LRRC63: variants seen among roughly 807,000 people sequenced by gnomAD.
The protein encoded by LRRC63 is leucine-rich repeat-containing protein 63.
LRRC63 carries 40 observed loss-of-function variants against 49.5 expected under a neutral mutation model. The observed-to-expected ratio is 0.81, with a 90% CI of 0.63 to 1.05. The LOEUF is 1.05. Ranked by LOEUF, LRRC63 falls within the 50% of genes least tolerant of loss-of-function variation. The pLI is 0.00. For missense variants in LRRC63, 636 were observed against 663.1 expected, an observed-to-expected ratio of 0.96 and a Z score of 0.45; for synonymous variants, 191 against 221.1, an observed-to-expected ratio of 0.86 and a Z score of 1.21.
At chr13:46,235,715 G>A (rs1457983808) in intron 5 of LRRC63, among the ~76,000 whole-genome samples, 2 of 152,192 alleles carry the variant, frequency 1.3e-5, no homozygotes, top group East Asian at 3.9e-4. Flanking sequence ...CTTGAGGGAG[G>A]CATATTTTAT....
chr13:46,262,801 A>G (rs2047633537), intron 8 of LRRC63, among the ~76,000 whole-genome samples: 1 of 152,124 alleles, frequency 6.6e-6, no homozygotes, highest in Non-Finnish European at 1.5e-5. Flanking sequence ...GTTTCTAATT[A>G]TTGTCAGTAC....
intron 5 of LRRC63, among the ~76,000 whole-genome samples, chr13:46,236,184 A>G (rs2046899035): frequency 2.0e-5 from 3 of 152,120 alleles, no homozygotes; most frequent in Admixed American, 1.3e-4. Flanking sequence ...AACATCATCA[A>G]GTATACCAAC....
intron 9 of LRRC63, among the ~76,000 whole-genome samples, chr13:46,267,954 C>T (rs1366554345): frequency 6.6e-6 from 1 of 151,804 alleles, no homozygotes; most frequent in East Asian, 1.9e-4. Context: ...ACTCTCCCAG[C>T]AGAAAAAAAG....
At chr13:46,241,094 G>C (rs1249139365) in intron 5 of LRRC63, among the ~76,000 whole-genome samples, 2 of 151,510 alleles carry the variant, frequency 1.3e-5, no homozygotes, top group Non-Finnish European at 3.0e-5. Context: ...ATACTACAGG[G>C]CTATAGCATG....
intron 9 of LRRC63, chr13:46,270,117 T>C (rs1362976825): frequency 1.5e-6 from 1 of 664,738 alleles, no homozygotes; most frequent in Non-Finnish European, 2.8e-6. Context: ...GTGGTGCCTT[T>C]GTTCGTGGAT....
At chr13:46,249,284 G>C (rs1203674715) in intron 6 of LRRC63, among the ~76,000 whole-genome samples, 1 of 151,658 alleles carries the variant, frequency 6.6e-6, no homozygotes, top group Non-Finnish European at 1.5e-5. Context: ...GTAAATATTA[G>C]TACAGAAATT....
chr13:46,234,137 AT>A, intron 4 of LRRC63, 54 bp from the exon 5 acceptor site: 1 of 1,454,304 alleles, frequency 6.9e-7, no homozygotes, highest in Non-Finnish European at 9.3e-7. Flanking sequence ...CTTAACTTTC[AT>A]TCTAAGTGAT....
At chr13:46,256,719 T>C (rs34565761) in intron 7 of LRRC63, among the ~76,000 whole-genome samples, 11,468 of 152,264 alleles carry the variant, frequency 0.075, 564 homozygotes, top group East Asian at 0.21. Flanking sequence ...GAGCCTCACC[T>C]ATACCTAATT....
At chr13:46,211,952 C>G (rs9595429) in exon 1 of LRRC63, 2 of 152,424 alleles carry the variant, frequency 1.3e-5, no homozygotes, top group Non-Finnish European at 2.9e-5. Flanking sequence ...CTTAGCGGAC[C>G]CCGGTTGCTA....
intron 2 of LRRC63, among the ~76,000 whole-genome samples, chr13:46,222,478 A>T (rs1483290585): frequency 6.6e-6 from 1 of 152,210 alleles, no homozygotes; most frequent in Non-Finnish European, 1.5e-5. Context: ...TCTTTTGAAT[A>T]TGGCTGTCCA....
chr13:46,234,175 T>C lies in LRRC63; in HGVS notation c.833-17T>C. On this transcript the variant is annotated splice_polypyrimidine_tract_variant and intron_variant, in intron 4 of 9. Transcript: ENST00000595396. ...ACACATTTAAATTTTATGTTTTGTT[T>C]TGTTTTGTTTATTTAGGTCTCACCA... The C allele has an allele frequency of 6.5e-7, 1 of 1,538,652 alleles. No individual in the cohort carries two copies. Among genetic ancestry groups the C allele is most frequent in the Non-Finnish European group, 8.8e-7 (1 of 1,138,790 alleles).
At position 46,225,479 on chromosome 13, in the gene LRRC63, G is replaced by A. The variant is rs116140961; in HGVS notation, c.86-2033G>A. On this transcript the variant is annotated intron_variant, in intron 2 of 9. Coordinates refer to ENST00000595396, the Ensembl canonical transcript of LRRC63. ...GCCTGAGAACAGAGACTCTTCCGCC[G>A]GTGGGAGAGGAAATCAAACTAATGA... Among the ~76,000 whole-genome samples the A allele has an allele frequency of 5.6e-3, 854 of 152,280 alleles. 10 individuals carry two copies. Among genetic ancestry groups the A allele is most frequent in the African/African-American group, 0.02 (812 of 41,544 alleles).
At chr13:46,233,275 T>A (rs1454130233) in intron 4 of LRRC63, among the ~76,000 whole-genome samples, 1 of 152,176 alleles carries the variant, frequency 6.6e-6, no homozygotes, top group Admixed American at 6.5e-5. Context: ...ATGTCTTAAT[T>A]CACTCTCTTT....
At chr13:46,219,195 T>C (rs535159254) in intron 2 of LRRC63, among the ~76,000 whole-genome samples, 1 of 152,314 alleles carries the variant, frequency 6.6e-6, no homozygotes, top group African/African-American at 2.4e-5. Flanking sequence ...CTGCAGAGTG[T>C]TTTCCAGCTT....
intron 2 of LRRC63, among the ~76,000 whole-genome samples, chr13:46,217,629 TA>T (rs2046290423): frequency 1.3e-5 from 2 of 152,224 alleles, no homozygotes; most frequent in Non-Finnish European, 2.9e-5. Flanking sequence ...TGATCTTAGT[TA>T]TTTCTTGTCT....
At chr13:46,273,936 A>G (rs928217041) in intron 9 of LRRC63, among the ~76,000 whole-genome samples, 2 of 151,434 alleles carry the variant, frequency 1.3e-5, no homozygotes, top group African/African-American at 4.9e-5. Context: ...AAAAGTACCA[A>G]GAAGTGAGCT....
chr13:46,247,216 A>G (rs550995187), intron 6 of LRRC63, among the ~76,000 whole-genome samples: 1 of 152,196 alleles, frequency 6.6e-6, no homozygotes, highest in South Asian at 2.1e-4. Context: ...TATTTTTGGC[A>G]AATGTATTTT....
Position 46,276,660 on chromosome 13 carries a change from AT to A in LRRC63, c.1626del (p.Phe542LeufsTer21). On this transcript the variant is annotated frameshift_variant, in exon 10 of 10. Coordinates refer to ENST00000595396, the Ensembl canonical transcript of LRRC63. LOFTEE classifies it low-confidence loss of function (END_TRUNC). ...TTTTCGTGTCATCCGATCCTGTGAT[AT>A]TTTTGGAGCATCACAGCTTCCAGTT... The A allele has an allele frequency of 1.6e-6, 2 of 1,230,976 alleles. No homozygotes were observed. The highest frequency in any genetic ancestry group is 2.0e-6 in the Non-Finnish European group (2 of 987,410). 76.3% of individuals were successfully genotyped at this position (1,230,976 alleles called of 1,614,324 possible). A position where few individuals can be genotyped will look rare whatever the true frequency, so the allele number is the denominator to read the frequency against.
Position 46,213,123 on chromosome 13 carries a change from T to C in LRRC63, c.85+4T>C. 1 of 1,518,680 alleles carries C rather than the reference T, an allele frequency of 6.6e-7. No homozygotes were observed. The highest frequency in any genetic ancestry group is 8.9e-7 in the Non-Finnish European group (1 of 1,120,498). 94.1% of individuals were successfully genotyped at this position (1,518,680 alleles called of 1,614,324 possible). On this transcript the variant is annotated splice_donor_region_variant and intron_variant, in intron 2 of 9. Transcript: ENST00000595396. ...CATGAGAAAAAAACCCATACAGGTA[T>C]GTGTATTAATCAGATATGTGTATTA...
Sources: allele counts gnomAD v4.1 joint callset (sites outside exome capture counted in the v4.1 genomes callset), GRCh38; gene constraint gnomAD v4.1.1; transcripts MANE v1.5; gene names NCBI Gene and HGNC (gene_info 2026-07-23, HGNC 2026-07-21).